FERMT2: variants seen among roughly 807,000 people sequenced by gnomAD.
FERMT2 encodes the protein FERM domain containing kindlin 2, also known as fermitin family homolog 2.
A neutral mutation model predicts 82.7 loss-of-function variants in FERMT2; 15 were observed. The observed-to-expected ratio is 0.18, with a 90% CI of 0.12 to 0.28. The LOEUF is 0.28. FERMT2 is among the 10% of genes least tolerant of loss of function. The probability of loss-of-function intolerance (pLI) is 1.00; values close to 1 mark genes in which losing one functional copy is unlikely to be tolerated. For synonymous variants in FERMT2, 274 were observed against 271.5 expected (o/e 1.01, Z -0.09); for missense variants, 645 against 809.4 (o/e 0.80, Z 2.46).
At chr14:52,866,698 A>T (rs114512405) in intron 10 of FERMT2, among the ~76,000 whole-genome samples, 377 of 152,292 alleles carry the variant, frequency 2.5e-3, no homozygotes, top group African/African-American at 8.6e-3. Flanking sequence ...GCCTATTTCA[A>T]ATCTTCTCAG....
chr14:52,874,952 G>A (rs187961688), intron 8 of FERMT2, among the ~76,000 whole-genome samples: 1 of 152,270 alleles, frequency 6.6e-6, no homozygotes, highest in East Asian at 1.9e-4. Context: ...CTACTCAGGA[G>A]GCTGAGGTAG....
intron 2 of FERMT2, among the ~76,000 whole-genome samples, chr14:52,927,188 T>C (rs1234447814): frequency 1.3e-5 from 2 of 152,124 alleles, no homozygotes; most frequent in African/African-American, 4.8e-5. Flanking sequence ...GGGTTTCTCA[T>C]CATTAGAGGC....
chr14:52,868,827 A>T (rs1408340828), intron 10 of FERMT2, among the ~76,000 whole-genome samples: 2 of 152,072 alleles, frequency 1.3e-5, no homozygotes, highest in Non-Finnish European at 2.9e-5. Flanking sequence ...AAACAACAAA[A>T]ATCATAGGGC....
intron 2 of FERMT2, among the ~76,000 whole-genome samples, chr14:52,940,069 G>A (rs1890022981): frequency 6.6e-6 from 1 of 152,116 alleles, no homozygotes; most frequent in African/African-American, 2.4e-5. Context: ...ACAACATGAT[G>A]TAAAAATAAG....
At chr14:52,884,090 C>T (rs1352371409) in intron 4 of FERMT2, among the ~76,000 whole-genome samples, 1 of 152,182 alleles carries the variant, frequency 6.6e-6, no homozygotes, top group Non-Finnish European at 1.5e-5. Flanking sequence ...AGCCACCCAC[C>T]CAAATCTGCG....
At chr14:52,934,947 A>G (rs1889770026) in intron 2 of FERMT2, among the ~76,000 whole-genome samples, 1 of 152,244 alleles carries the variant, frequency 6.6e-6, no homozygotes, top group African/African-American at 2.4e-5. Flanking sequence ...AATAAGTGAC[A>G]TGACTTGTCA....
At chr14:52,892,898 C>T (rs1315278290) in intron 4 of FERMT2, among the ~76,000 whole-genome samples, 1 of 152,226 alleles carries the variant, frequency 6.6e-6, no homozygotes, top group South Asian at 2.1e-4. Flanking sequence ...AACTGGGCTT[C>T]CTCTTTATTG....
chr14:52,921,986 G>A (rs1302124539), intron 2 of FERMT2, among the ~76,000 whole-genome samples: 1 of 152,128 alleles, frequency 6.6e-6, no homozygotes, highest in Non-Finnish European at 1.5e-5. Flanking sequence ...GAGAAAAAGA[G>A]CTGTAAGAGC....
intron 10 of FERMT2, chr14:52,871,832 G>A (rs1885640766): frequency 6.6e-6 from 1 of 152,380 alleles, no homozygotes; most frequent in Non-Finnish European, 1.5e-5. Flanking sequence ...CTAGTTCTGA[G>A]ATAGCTTTGG....
intron 3 of FERMT2, among the ~76,000 whole-genome samples, chr14:52,910,184 TAAACAC>T (rs893996235): frequency 6.6e-6 from 1 of 152,236 alleles, no homozygotes; most frequent in African/African-American, 2.4e-5. Flanking sequence ...AAAAATTTTT[TAAACAC>T]AACTGAGCTT....
chr14:52,924,787 G>C (rs979951511), intron 2 of FERMT2, among the ~76,000 whole-genome samples: 1 of 152,168 alleles, frequency 6.6e-6, no homozygotes, highest in Non-Finnish European at 1.5e-5. Context: ...CTGGTAGATA[G>C]AAAGGAAATG....
chr14:52,869,799 C>T (rs2140082198), intron 10 of FERMT2, among the ~76,000 whole-genome samples: 1 of 152,204 alleles, frequency 6.6e-6, no homozygotes, highest in East Asian at 1.9e-4. Flanking sequence ...GGCATTGTTA[C>T]CAGAGGAAAT....
At chr14:52,859,479 A>G in intron 14 of FERMT2, 94 bp downstream of exon 14, 1 of 1,180,250 alleles carries the variant, frequency 8.5e-7, no homozygotes, top group South Asian at 2.6e-5. Flanking sequence ...GTGGTGGTAC[A>G]AATAATCATC....
intron 4 of FERMT2, among the ~76,000 whole-genome samples, chr14:52,892,917 A>G (rs1887032844): frequency 6.6e-6 from 1 of 152,216 alleles, no homozygotes; most frequent in Non-Finnish European, 1.5e-5. Flanking sequence ...TGATTCAACT[A>G]TTAACACCTG....
At chr14:52,875,200 G>GA (rs1555367135) in intron 8 of FERMT2, 23 bp downstream of exon 8, 1 of 1,584,246 alleles carries the variant, frequency 6.3e-7, no homozygotes, top group South Asian at 1.2e-5. Flanking sequence ...AAATTAGTAG[G>GA]TAAAAAAAAA....
In FERMT2 at chr14:52,887,331, G is replaced by A. The variant is rs1490359477; in HGVS notation, c.527-5862C>T. Among the ~76,000 whole-genome samples, 3 of 151,488 alleles carry A rather than the reference G, an allele frequency of 2.0e-5. No individual in the cohort carries two copies. The East Asian group carries it at 5.8e-4, about 29-fold the overall frequency. ...TGCTTGAGACCAGCCTGGGAAACAT[G>A]GCAAAACCTCATCTCTACAAAAAAT... On this transcript the variant is annotated intron_variant, in intron 4 of 14. Coordinates refer to ENST00000341590, the MANE Select transcript of FERMT2 (RefSeq NM_006832.3).
intron 9 of FERMT2, 48 bp downstream of exon 9, chr14:52,874,129 T>C: frequency 1.6e-6 from 2 of 1,243,640 alleles, no homozygotes; most frequent in Non-Finnish European, 2.3e-6. Context: ...ACCATGACTA[T>C]AAAGCTGACA....
In FERMT2 at chr14:52,875,245, C is replaced by A; in HGVS notation, c.1076G>T (p.Gly359Val). 1.2e-6 allele frequency: 2 copies of A among 1,609,148 alleles called. No homozygotes were observed. Among genetic ancestry groups the A allele is most frequent in the Non-Finnish European group, 1.7e-6 (2 of 1,178,558 alleles). Residue 359 changes from glycine to valine, a missense_variant, in exon 8 of 15, where the codon GGG becomes GTG. Physicochemically the swap from Gly to Val is moderately radical, Grantham distance 109. Coordinates refer to ENST00000341590, the MANE Select transcript of FERMT2 (RefSeq NM_006832.3). ...ALSDLEITLE[G>V]GKTSTILGDI... The stretch of plus-strand genomic sequence containing the variant: ...TACCAAAATTGTTGACGTTTTACCC[C>A]CTTCCAGAGTAATCTCCAGGTCTGA...
chr14:52,950,629 G>C, intron 1 of FERMT2, 52 bp from the exon 2 acceptor site: 1 of 1,569,200 alleles, frequency 6.4e-7, no homozygotes, highest in South Asian at 1.1e-5. Context: ...CCAAAGAAAG[G>C]CGAATCCCAC....
Sources: allele counts gnomAD v4.1 joint callset (sites outside exome capture counted in the v4.1 genomes callset), GRCh38; gene constraint gnomAD v4.1.1; transcripts MANE v1.5; gene names NCBI Gene and HGNC (gene_info 2026-07-23, HGNC 2026-07-21).